The following PRTFDC1 variants were observed in gnomAD, a reference collection of about 807,000 sequenced individuals.
PRTFDC1 encodes the protein phosphoribosyl transferase domain containing 1.
Under a neutral mutation model 34.6 loss-of-function variants are expected in PRTFDC1, and 38 were observed. The ratio of observed to expected loss-of-function variants is 1.10; its 90% confidence interval spans 0.85 to 1.44. PRTFDC1 has a LOEUF of 1.44. Ranked by LOEUF, PRTFDC1 falls within the 40% of genes most tolerant of loss-of-function variation. The probability of loss-of-function intolerance (pLI) is 0.00; values close to 1 mark genes in which losing one functional copy is unlikely to be tolerated. For synonymous variants in PRTFDC1, 93 were observed against 98.1 expected (o/e 0.95, Z 0.31); for missense variants, 270 against 283.0 (o/e 0.95, Z 0.33).
At chr10:24,949,704 T>A (rs933609816) in intron 1 of PRTFDC1, among the ~76,000 whole-genome samples, 5 of 149,114 alleles carry the variant, frequency 3.4e-5, no homozygotes, top group African/African-American at 1.2e-4. Context: ...CAGTTTATAC[T>A]CATTTTTTTT....
intron 2 of PRTFDC1, among the ~76,000 whole-genome samples, chr10:24,941,834 C>A (rs1277929158): frequency 6.6e-6 from 1 of 151,944 alleles, no homozygotes; most frequent in African/African-American, 2.4e-5. Flanking sequence ...TCTCCCTTTG[C>A]ACAAAAAAAG....
chr10:24,892,025 C>G (rs1363831454), intron 3 of PRTFDC1, among the ~76,000 whole-genome samples: 1 of 152,164 alleles, frequency 6.6e-6, no homozygotes, highest in Non-Finnish European at 1.5e-5. Flanking sequence ...TCTGTTGATG[C>G]ACACTTAGTT....
intron 3 of PRTFDC1, among the ~76,000 whole-genome samples, chr10:24,889,220 G>A (rs1040892729): frequency 6.6e-6 from 1 of 151,992 alleles, no homozygotes; most frequent in East Asian, 1.9e-4. Flanking sequence ...ACCATCTATG[G>A]ACATGAAAGT....
At chr10:24,936,858 C>T (rs1849058495) in intron 3 of PRTFDC1, among the ~76,000 whole-genome samples, 1 of 152,144 alleles carries the variant, frequency 6.6e-6, no homozygotes, top group Non-Finnish European at 1.5e-5. Context: ...AAAAACAAAT[C>T]AGTGTTCACA....
Position 24,905,649 on chromosome 10 carries a change from A to G in PRTFDC1, c.339+31535T>C, listed in dbSNP as rs1848522767. On this transcript the variant is annotated intron_variant, in intron 3 of 8. Transcript: ENST00000320152. ...TAAAAGTGTCTTGTCTGCCATCTTT[A>G]TCTTTCCTGCTGGATGGTTTCTTTC... 3.3e-5 allele frequency among the ~76,000 whole-genome samples: 5 copies of G among 151,984 alleles called. No homozygotes were observed. In the South Asian group the frequency reaches 1.0e-3, roughly 32 times the overall value.
intron 3 of PRTFDC1, among the ~76,000 whole-genome samples, chr10:24,921,104 C>A (rs982430714): frequency 2.0e-5 from 3 of 150,418 alleles, no homozygotes; most frequent in South Asian, 2.1e-4. Context: ...AAAAAAAAAA[C>A]AAAAAAACAA....
At chr10:24,918,289 C>T (rs2132578985) in intron 3 of PRTFDC1, among the ~76,000 whole-genome samples, 1 of 152,286 alleles carries the variant, frequency 6.6e-6, no homozygotes, top group East Asian at 1.9e-4. Flanking sequence ...GCTGTCTTCT[C>T]TCTTGTCCAG....
rs376899078 is a variant in PRTFDC1 at position 24,851,500 on chromosome 10, C to G, written c.554-36G>C. 550 of 1,582,170 alleles carry G rather than the reference C, an allele frequency of 3.5e-4. 3 individuals carry two copies. The highest frequency in any genetic ancestry group is 1.2e-4 in the South Asian group (10 of 86,008). The stretch of plus-strand genomic sequence containing the variant: ...AGAGAAAGAGAAAAAAAAAAAGGAA[C>G]AAAATTTAGATTATATAAATGCAAG... On this transcript the variant is annotated intron_variant, in intron 7 of 8. Coordinates refer to ENST00000320152, the MANE Select transcript of PRTFDC1 (RefSeq NM_020200.7).
chr10:24,864,351 A>G (rs1192195670), intron 4 of PRTFDC1, among the ~76,000 whole-genome samples: 1 of 152,212 alleles, frequency 6.6e-6, no homozygotes, highest in Non-Finnish European at 1.5e-5. Context: ...AAATGCTATC[A>G]AACAGCATCA....
In PRTFDC1 at chr10:24,949,740, T is replaced by A. The variant is rs566387664; in HGVS notation, c.48+2788A>T. Among the ~76,000 whole-genome samples the A allele has an allele frequency of 3.1e-3, 303 of 97,766 alleles. 1 individual carries two copies. Among genetic ancestry groups the A allele is most frequent in the Non-Finnish European group, 5.7e-3 (235 of 41,468 alleles). 64.1% of individuals were successfully genotyped at this position (97,766 alleles called of 152,430 possible). ...GTTTATTTATTTATTTATTTATTTA[T>A]TTTTTTTTTTTTTTTTAAGAAGGAG... On this transcript the variant is annotated intron_variant, in intron 1 of 8. Coordinates refer to ENST00000320152, the MANE Select transcript of PRTFDC1 (RefSeq NM_020200.7).
rs760058476 is a variant in PRTFDC1, at chr10:24,855,323, G to A, written c.548C>T (p.Pro183Leu). 6.2e-7 allele frequency: 1 copy of A among 1,613,704 alleles called. No individual in the cohort carries two copies. The highest frequency in any genetic ancestry group is 1.1e-5 in the South Asian group (1 of 91,054). ...AAAAACTGAAAAACACTTACAGTCA[G>A]GTCTAAAGCCGTCACTTCTGGATGT... is the stretch of plus-strand genomic sequence containing the variant. The part of the protein sequence containing the change: ...KRTSRSDGFR[P>L]DYAGFEIPNL... The change falls in exon 7 of 9, where the codon CCT (proline) becomes CTT (leucine). Residue 183 changes from proline to leucine, a missense_variant. Pro to Leu is a moderately conservative substitution (Grantham distance 98). Coordinates refer to ENST00000320152, the MANE Select transcript of PRTFDC1 (RefSeq NM_020200.7).
At chr10:24,895,941 A>T (rs922503161) in intron 3 of PRTFDC1, among the ~76,000 whole-genome samples, 21 of 152,044 alleles carry the variant, frequency 1.4e-4, no homozygotes, top group African/African-American at 4.8e-4. Flanking sequence ...AACAAAATAA[A>T]ACTAGTTCCC....
At chr10:24,931,632 C>A (rs1299482919) in intron 3 of PRTFDC1, among the ~76,000 whole-genome samples, 1 of 151,650 alleles carries the variant, frequency 6.6e-6, no homozygotes, top group Non-Finnish European at 1.5e-5. Context: ...ATAAAATGGA[C>A]AAATGCCTTG....
intron 3 of PRTFDC1, among the ~76,000 whole-genome samples, chr10:24,895,834 A>C (rs1848352528): frequency 6.6e-6 from 1 of 151,484 alleles, no homozygotes. Flanking sequence ...TTTTTAACCC[A>C]TTACAACAAT....
chr10:24,941,093 C>A (rs1849149136), intron 2 of PRTFDC1, among the ~76,000 whole-genome samples: 1 of 151,448 alleles, frequency 6.6e-6, no homozygotes, highest in East Asian at 1.9e-4. Context: ...TCGCTCTGTT[C>A]CCCAGGCTAC....
chr10:24,868,828 C>A lies in PRTFDC1; in HGVS notation c.405+3170G>T, dbSNP rs540522114. 5.9e-5 allele frequency among the ~76,000 whole-genome samples: 9 copies of A among 151,512 alleles called. No homozygotes were observed. The East Asian group carries it at 1.6e-3, about 26-fold the overall frequency. ...TTTTTTCCAGCTAGTGTATATTCTG[C>A]ATGATGGGAAGATTTTGGAGAGCCT... On this transcript the variant is annotated intron_variant, in intron 4 of 8. Transcript: ENST00000320152.
At chr10:24,908,846 C>T in intron 3 of PRTFDC1, 2 of 1,205,516 alleles carry the variant, frequency 1.7e-6, no homozygotes, top group Non-Finnish European at 2.2e-6. Context: ...ATTCCAGCCA[C>T]CTCAAGAAAA....
chr10:24,937,536 A>C (rs982734930), intron 2 of PRTFDC1, among the ~76,000 whole-genome samples, 169 bp from the exon 3 acceptor site: 3 of 150,976 alleles, frequency 2.0e-5, no homozygotes, highest in African/African-American at 7.3e-5. Flanking sequence ...GTTGAACATA[A>C]GGTGTTCAAA....
chr10:24,864,046 G>C (rs1418529371), intron 4 of PRTFDC1, among the ~76,000 whole-genome samples: 1 of 150,194 alleles, frequency 6.7e-6, no homozygotes, highest in Non-Finnish European at 1.5e-5. Context: ...TTTAGTGGAG[G>C]AAGTACCTGC....
Sources: gnomAD v4.1 joint callset for allele counts (sites outside exome capture counted in the v4.1 genomes callset) on GRCh38, gnomAD v4.1.1 for gene constraint, MANE v1.5 for transcripts, NCBI Gene and HGNC (gene_info 2026-07-23, HGNC 2026-07-21) for gene names.